Variants in TCHH observed in about 807,000 individuals in gnomAD.
TCHH encodes the protein trichohyalin.
In TCHH, 6 loss-of-function variants were observed where a neutral mutation model predicts 6.3. The ratio of observed to expected loss-of-function variants is 0.95; its 90% CI spans 0.52 to 1.88. The LOEUF (loss-of-function observed/expected upper bound fraction) is 1.88, where lower values mean the gene tolerates loss of function less well. TCHH is among the 40% of genes most tolerant of loss of function. The probability of loss-of-function intolerance (pLI) is 0.01; values close to 1 mark genes in which losing one functional copy is unlikely to be tolerated. For missense variants in TCHH, 2,920 were observed against 2,449.1 expected (o/e 1.19, Z -4.06); for synonymous variants, 1,087 against 963.6 (o/e 1.13, Z -2.37).
Position 152,111,149 on chromosome 1 carries a change from GCTC to G in TCHH, c.2065_2067del (p.Glu689del), listed in dbSNP as rs1658327018. On this transcript the variant is annotated inframe_deletion, in exon 3 of 3. Coordinates refer to ENST00000614923, the MANE Select transcript of TCHH (RefSeq NM_007113.4). ...TTAATCCGCTCCCGGGCCTGTTCCT[GCTC>G]CTCCTCAGCTAGCTCCTGCTCGCGC... 3.1e-6 allele frequency: 5 copies of G among 1,613,766 alleles called. No homozygotes were observed. Among genetic ancestry groups the G allele is most frequent in the African/African-American group, 2.7e-5 (2 of 75,000 alleles).
rs751261404 is a variant in TCHH at position 152,108,686 on chromosome 1, G to A, written c.4531C>T (p.Gln1511Ter). 3 of 1,611,688 alleles carry A rather than the reference G, an allele frequency of 1.9e-6. No individual in the cohort carries two copies. Among genetic ancestry groups the A allele is most frequent in the Admixed American group, 3.4e-5 (2 of 59,506 alleles). The change falls in exon 3 of 3, where the codon CAG becomes TAG. Residue 1511 changes from glutamine to a stop codon, truncating the protein, a stop_gained. Coordinates refer to ENST00000614923, the MANE Select transcript of TCHH (RefSeq NM_007113.4). LOFTEE classifies it low-confidence loss of function (END_TRUNC). The part of the protein sequence containing the change: ...RKFREQELRS[Q>*]EPERKFLEEE... ...TCGAGGAATTTTCTCTCTGGTTCCTGACTGCGCAGTTCCTGTTCGCGGAAT... is the reference window on the plus strand; with the variant it reads ...TCGAGGAATTTTCTCTCTGGTTCCTAACTGCGCAGTTCCTGTTCGCGGAAT...
At position 152,113,035 on chromosome 1, in the gene TCHH, A is replaced by G. The variant is rs1415449500; in HGVS notation, c.182T>C (p.Leu61Pro). Residue 61 changes from leucine to proline, a missense_variant, in exon 3 of 3, where the codon CTG becomes CCG. Leu to Pro is a moderately conservative substitution (Grantham distance 98). Transcript: ENST00000614923. The stretch of plus-strand genomic sequence containing the variant: ...GACACGCCCATTACTGTCAAGATCC[A>G]GAAGTTCCAGGATCAGATCTACCGT... Reference protein sequence around the residue: ...PKTVDLILELLDLDSNGRVDF... With the variant: ...PKTVDLILELPDLDSNGRVDF... 4 of 1,613,764 alleles carry G rather than the reference A, an allele frequency of 2.5e-6. No individual in the cohort carries two copies. The highest frequency in any genetic ancestry group is 2.2e-5 in the East Asian group (1 of 44,878).
chr1:152,112,433 C>T lies in TCHH; in HGVS notation c.784G>A (p.Glu262Lys). 1 of 1,613,844 alleles carries T rather than the reference C, an allele frequency of 6.2e-7. No individual in the cohort carries two copies. The change falls in exon 3 of 3, where the codon GAA (glutamate) becomes AAA (lysine). Residue 262 changes from glutamate (E) to lysine (K), a missense_variant. By Grantham distance (56) the Glu-to-Lys change is moderately conservative. Transcript: ENST00000614923. ...VLRKEEEKLQ[E>K]EEPQRQRELQ... ...TCTCTTTGCCGCTGCGGCTCCTCTT[C>T]CTGCAACTTCTCTTCTTCCTTCCGG...
chr1:152,110,966 C>T lies in TCHH; in HGVS notation c.2251G>A (p.Glu751Lys), dbSNP rs1283851813. 1.2e-6 allele frequency: 2 copies of T among 1,613,470 alleles called. No individual in the cohort carries two copies. Among genetic ancestry groups the T allele is most frequent in the South Asian group, 2.2e-5 (2 of 91,076 alleles). ...TGCTGCTGCCGGTGAGCCCGTTCCTCCTCCTGCCATTGCAGCTCACTCTCC... is the reference window on the plus strand; with the variant it reads ...TGCTGCTGCCGGTGAGCCCGTTCCTTCTCCTGCCATTGCAGCTCACTCTCC... ...RRESELQWQE[E>K]ERAHRQQQEE... is the part of the protein sequence containing the mutation. The change falls in exon 3 of 3, where the codon GAG becomes AAG. Residue 751 changes from glutamate (E) to lysine (K), a missense_variant. By Grantham distance (56) the Glu-to-Lys change is moderately conservative (BLOSUM62 1). Coordinates refer to ENST00000614923, the MANE Select transcript of TCHH (RefSeq NM_007113.4).
rs143222885 is a variant in TCHH at position 152,110,481 on chromosome 1, C to T, written c.2736G>A (p.Glu912=). The T allele has an allele frequency of 2.1e-5, 34 of 1,611,352 alleles. No individual in the cohort carries two copies. In the Admixed American group the frequency reaches 5.4e-4, roughly 25 times the overall value. Residue 912 remains glutamate (E), a synonymous_variant, in exon 3 of 3, where the codon GAG becomes GAA. Transcript: ENST00000614923. ...TCTTCTCGCGCTCCTCTCTCTGTAG[C>T]TCCTCCTCCTCCTCCTGCAGCAGCT... The part of the protein sequence containing the change: ...EQQLLQEEEE[E]LQREEREKRR...
Position 152,108,961 on chromosome 1 carries a change from T to A in TCHH, c.4256A>T (p.Glu1419Val). The A allele has an allele frequency of 6.2e-7, 1 of 1,613,436 alleles. No homozygotes were observed. The highest frequency in any genetic ancestry group is 8.5e-7 in the Non-Finnish European group (1 of 1,179,842). ...CTCTTGGCGGCTCAGCTGCTGTTCC[T>A]CCTCGCGGAATTTTCTGTCGCGGTC... is the stretch of plus-strand genomic sequence containing the variant. ...RQDRDRKFRE[E>V]EQQLSRQERD... Residue 1419 changes from glutamate (E) to valine (V), a missense_variant, in exon 3 of 3, where the codon GAG becomes GTG. Glu to Val is a moderately radical substitution (Grantham distance 121). Coordinates refer to ENST00000614923, the MANE Select transcript of TCHH (RefSeq NM_007113.4).
Position 152,111,366 on chromosome 1 carries a change from C to T in TCHH, c.1851G>A (p.Glu617=), listed in dbSNP as rs777480364. Residue 617 remains glutamate (E), a synonymous_variant, in exon 3 of 3, where the codon GAG becomes GAA. Transcript: ENST00000614923. ...VERLEQEERR[E]QRLKREEPEE... is the part of the protein sequence containing the mutation. ...CCGGCTCCTCGCGCTTCAGCCGCTGCTCGCGCCTCTCCTCCTGCTCGAGTC... is the reference window on the plus strand; with the variant it reads ...CCGGCTCCTCGCGCTTCAGCCGCTGTTCGCGCCTCTCCTCCTGCTCGAGTC... 3.2e-5 allele frequency: 51 copies of T among 1,611,126 alleles called. No individual in the cohort carries two copies. The East Asian group carries it at 4.7e-4, about 15-fold the overall frequency.
In TCHH at chr1:152,107,513, T is replaced by C; in HGVS notation, c.5704A>G (p.Lys1902Glu). 1 of 1,613,852 alleles carries C rather than the reference T, an allele frequency of 6.2e-7. No homozygotes were observed. The highest frequency in any genetic ancestry group is 1.3e-5 in the African/African-American group (1 of 74,900). ...CCATGGCCCTTCCCTTCTTGGGATT[T>C]TATCTCCCCGACTTGGCGGTGCCTC... ...EQRHRQVGEIKSQEGKGHGRL... is the reference protein window; with the variant it reads ...EQRHRQVGEIESQEGKGHGRL... The change falls in exon 3 of 3, where the codon AAA becomes GAA. Residue 1902 changes from lysine (K) to glutamate (E), a missense_variant. Coordinates refer to ENST00000614923, the MANE Select transcript of TCHH (RefSeq NM_007113.4).
rs752407276 is a variant in TCHH, at chr1:152,108,124, T to A, written c.5093A>T (p.Gln1698Leu). Residue 1698 changes from glutamine to leucine, a missense_variant, in exon 3 of 3, where the codon CAG (glutamine) becomes CTG (leucine). Gln to Leu is a moderately radical substitution (Grantham distance 113). Transcript: ENST00000614923. ...ERDRKFREEEQQLRRQERERK... is the reference protein window; with the variant it reads ...ERDRKFREEELQLRRQERERK... ...CTCTCGTTCCTGACGGCGGAGCTGC[T>A]GTTCCTCTTCGCGGAATTTTCTGTC... 6.2e-7 allele frequency: 1 copy of A among 1,613,422 alleles called. No homozygotes were observed. The highest frequency in any genetic ancestry group is 8.5e-7 in the Non-Finnish European group (1 of 1,179,872).
chr1:152,107,079 A>T lies in TCHH; in HGVS notation c.*306T>A, dbSNP rs568038282. 1.2e-4 allele frequency: 28 copies of T among 238,326 alleles called. No homozygotes were observed. In the South Asian group the frequency reaches 1.2e-3, roughly 11 times the overall value. 14.8% of individuals were successfully genotyped at this position (238,326 alleles called of 1,614,324 possible). A position where few individuals can be genotyped will look rare whatever the true frequency, so the allele number is the denominator to read the frequency against. On this transcript the variant is annotated 3_prime_UTR_variant, in exon 3 of 3. Transcript: ENST00000614923. ...TGTTACTTCTGAAAGCAATAAATGAACATGTTCCTCAAACAAAATTTCTTA... is the reference window on the plus strand; with the variant it reads ...TGTTACTTCTGAAAGCAATAAATGATCATGTTCCTCAAACAAAATTTCTTA...
chr1:152,112,462 A>G lies in TCHH; in HGVS notation c.755T>C (p.Val252Ala). 1 of 1,612,990 alleles carries G rather than the reference A, an allele frequency of 6.2e-7. No homozygotes were observed. ...CAACTTCTCTTCTTCCTTCCGGAGC[A>G]CTGTCTCGCGCTTCCTCCACTCTTT... ...EEKEWRKRET[V>A]LRKEEEKLQE... The change falls in exon 3 of 3, where the codon GTG (valine) becomes GCG (alanine). Residue 252 changes from valine (V) to alanine (A), a missense_variant. Coordinates refer to ENST00000614923, the MANE Select transcript of TCHH (RefSeq NM_007113.4).
Position 152,110,220 on chromosome 1 carries a change from C to T in TCHH, c.2997G>A (p.Glu999=), listed in dbSNP as rs542934119. ...KYREEEELQQ[E]EEQLLREERE... ...GTTCCTCTCTCAGCAGCTGCTCTTC[C>T]TCCTGCTGCAACTCCTCTTCCTCGC... Residue 999 remains glutamate, a synonymous_variant, in exon 3 of 3, where the codon GAG becomes GAA. Coordinates refer to ENST00000614923, the MANE Select transcript of TCHH (RefSeq NM_007113.4). 2 of 1,609,292 alleles carry T rather than the reference C, an allele frequency of 1.2e-6. No individual in the cohort carries two copies. The highest frequency in any genetic ancestry group is 2.3e-5 in the East Asian group (1 of 44,424).
Position 152,111,118 on chromosome 1 carries a change from C to G in TCHH, c.2099G>C (p.Arg700Pro), listed in dbSNP as rs369203615. 1.4e-5 allele frequency: 22 copies of G among 1,613,534 alleles called. No homozygotes were observed. The highest frequency in any genetic ancestry group is 1.8e-5 in the Non-Finnish European group (21 of 1,180,032). The change falls in exon 3 of 3, where the codon CGC becomes CCC. Residue 700 changes from arginine to proline, a missense_variant. Transcript: ENST00000614923. ...QEQARERIKSRIPKWQWQLES... is the reference protein window; with the variant it reads ...QEQARERIKSPIPKWQWQLES... ...TAGCTGCCACTGCCACTTCGGGATG[C>G]GGCTCTTAATCCGCTCCCGGGCCTG... is the stretch of plus-strand genomic sequence containing the variant.
In TCHH at chr1:152,110,592, C is replaced by G. The variant is rs771940633; in HGVS notation, c.2625G>C (p.Arg875Ser). Reference protein sequence around the residue: ...SQEQRRDQKWRWQLEEERKRR... With the variant: ...SQEQRRDQKWSWQLEEERKRR... ...TCTTCCTTTCTTCTTCTAGTTGCCA[C>G]CTCCATTTTTGGTCGCGGCGCTGCT... The change falls in exon 3 of 3, where the codon AGG (arginine) becomes AGC (serine). Residue 875 changes from arginine to serine, a missense_variant. By Grantham distance (110) the Arg-to-Ser change is moderately radical (BLOSUM62 -1). Transcript: ENST00000614923. 2 of 1,614,200 alleles carry G rather than the reference C, an allele frequency of 1.2e-6. No homozygotes were observed. The highest frequency in any genetic ancestry group is 1.7e-6 in the Non-Finnish European group (2 of 1,180,034).
Position 152,111,571 on chromosome 1 carries a change from A to G in TCHH, c.1646T>C (p.Leu549Pro). The stretch of plus-strand genomic sequence containing the variant: ...CCTCTTCTCCTCCTCGCGCTTCAGC[A>G]GCTGCTCGCGCCTCTCCTCCTGCTC... ...RREQEERREQ[L>P]LKREEEKRLE... Residue 549 changes from leucine (L) to proline (P), a missense_variant, in exon 3 of 3, where the codon CTG becomes CCG. Coordinates refer to ENST00000614923, the MANE Select transcript of TCHH (RefSeq NM_007113.4). The G allele has an allele frequency of 6.7e-7, 1 of 1,495,502 alleles. No homozygotes were observed. The highest frequency in any genetic ancestry group is 8.9e-7 in the Non-Finnish European group (1 of 1,117,774). The allele number at this position is 1,495,502 out of a possible 1,614,324, so 92.6% of individuals were successfully genotyped here.
chr1:152,111,081 G>C lies in TCHH; in HGVS notation c.2136C>G (p.Ala712=). Residue 712 remains alanine, a synonymous_variant, in exon 3 of 3, where the codon GCC becomes GCG. Coordinates refer to ENST00000614923, the MANE Select transcript of TCHH (RefSeq NM_007113.4). ...PKWQWQLESE[A]DARQSKVYSR... Reference sequence around the variant, plus strand: ...AGTAGACTTTGCTTTGCCGTGCGTCGGCCTCGCTTTCTAGCTGCCACTGCC... The same window carrying C: ...AGTAGACTTTGCTTTGCCGTGCGTCCGCCTCGCTTTCTAGCTGCCACTGCC... 5 of 1,613,432 alleles carry C rather than the reference G, an allele frequency of 3.1e-6. No individual in the cohort carries two copies. Among genetic ancestry groups the C allele is most frequent in the Non-Finnish European group, 3.4e-6 (4 of 1,180,000 alleles).
rs57736687 is a variant in TCHH, at chr1:152,108,128, C to G, written c.5089G>C (p.Glu1697Gln). 2,931 of 1,613,636 alleles carry G rather than the reference C, an allele frequency of 1.8e-3. 48 individuals are homozygous for G. The African/African-American group carries it at 0.035, about 19-fold the overall frequency. Residue 1697 changes from glutamate to glutamine, a missense_variant, in exon 3 of 3, where the codon GAA becomes CAA. By Grantham distance (29) the Glu-to-Gln change is conservative. Transcript: ENST00000614923. Reference sequence around the variant, plus strand: ...CGTTCCTGACGGCGGAGCTGCTGTTCCTCTTCGCGGAATTTTCTGTCACGC... The same window carrying G: ...CGTTCCTGACGGCGGAGCTGCTGTTGCTCTTCGCGGAATTTTCTGTCACGC... ...QERDRKFREE[E>Q]QQLRRQERER...
rs1407504727 is a variant in TCHH, at chr1:152,112,780, C to T, written c.437G>A (p.Arg146Lys). The T allele has an allele frequency of 1.2e-6, 2 of 1,613,956 alleles. No homozygotes were observed. Among genetic ancestry groups the T allele is most frequent in the Non-Finnish European group, 8.5e-7 (1 of 1,180,042 alleles). ...TTGCTCCTCTCCCTCAGCTAGCTCC[C>T]TCTCCTGTTCCTGCCTCTTCTGCCT... ...RRRQKRQEQE[R>K]ELAEGEEQSE... The change falls in exon 3 of 3, where the codon AGG (arginine) becomes AAG (lysine). Residue 146 changes from arginine (R) to lysine (K), a missense_variant. By Grantham distance (26) the Arg-to-Lys change is conservative (BLOSUM62 2). Coordinates refer to ENST00000614923, the MANE Select transcript of TCHH (RefSeq NM_007113.4).
rs1658103510 is a variant in TCHH at position 152,106,330 on chromosome 1, ATT to A, written c.*1053_*1054del. ...AGACAAAAGTAGTTACTTGCCAAAC[ATT>A]TATTATTAATTTTTCACAGTCCAAT... On this transcript the variant is annotated 3_prime_UTR_variant, in exon 3 of 3. Coordinates refer to ENST00000614923, the MANE Select transcript of TCHH (RefSeq NM_007113.4). 1 of 152,162 alleles carries A rather than the reference ATT, an allele frequency of 6.6e-6. No homozygotes were observed. Among genetic ancestry groups the A allele is most frequent in the African/African-American group, 2.4e-5 (1 of 41,424 alleles). 9.4% of individuals were successfully genotyped at this position (152,162 alleles called of 1,614,324 possible). A position where few individuals can be genotyped will look rare whatever the true frequency, so the allele number is the denominator to read the frequency against.
Sources: allele counts gnomAD v4.1 joint callset, GRCh38; gene constraint gnomAD v4.1.1; transcripts MANE v1.5; gene names NCBI Gene and HGNC (gene_info 2026-07-23, HGNC 2026-07-21).